The following FBN1 variants were observed in gnomAD, a reference collection of about 807,000 sequenced individuals.
FBN1 encodes the protein fibrillin 1.
FBN1 carries 29 observed loss-of-function variants against 365.1 expected under a neutral mutation model. The ratio of observed to expected loss-of-function variants is 0.08; its 90% CI spans 0.06 to 0.11. The LOEUF (loss-of-function observed/expected upper bound fraction) is 0.11. Among genes scored for constraint, FBN1 ranks in the 10% least tolerant of loss-of-function variants. The pLI is 1.00. For synonymous variants in FBN1, 1,210 were observed against 1,270.5 expected (o/e 0.95, Z 1.01); for missense variants, 2,476 against 3,703.2 (o/e 0.67, Z 8.60).
At chr15:48,602,611 G>A (rs2044576117) in intron 4 of FBN1, among the ~76,000 whole-genome samples, 1 of 152,060 alleles carries the variant, frequency 6.6e-6, no homozygotes, top group Non-Finnish European at 1.5e-5. Context: ...TTTTATCTTT[G>A]TTTCCCCATG....
intron 4 of FBN1, 23 bp downstream of exon 4, chr15:48,610,705 A>G (rs375946783): frequency 1.9e-6 from 3 of 1,539,590 alleles, no homozygotes; most frequent in Non-Finnish European, 2.7e-6. Context: ...ATAATATTAT[A>G]TATAATGACA....
intron 6 of FBN1, among the ~76,000 whole-genome samples, chr15:48,595,885 T>TTTC (rs1261602741): frequency 6.6e-6 from 1 of 152,234 alleles, no homozygotes; most frequent in Non-Finnish European, 1.5e-5. Context: ...GGTGTGCTTT[T>TTTC]CATACTGAAA....
chr15:48,438,321 T>C (rs2043088716), intron 50 of FBN1, among the ~76,000 whole-genome samples: 1 of 152,204 alleles, frequency 6.6e-6, no homozygotes, highest in Admixed American at 6.5e-5. Flanking sequence ...ATGAGCACAC[T>C]AGAGTAAGAG....
chr15:48,464,029 C>A lies in FBN1; in HGVS notation c.4943-8G>T. The stretch of plus-strand genomic sequence containing the variant: ...TCTCACATTCATTCACATCTATAAT[C>A]CAAAGAGAAAGTGGTATGTGAATAT... On this transcript the variant is annotated splice_region_variant and splice_polypyrimidine_tract_variant and intron_variant, in intron 40 of 65. Transcript: ENST00000316623. 6.2e-7 allele frequency: 1 copy of A among 1,613,710 alleles called. No individual in the cohort carries two copies. The highest frequency in any genetic ancestry group is 1.1e-5 in the South Asian group (1 of 91,064).
At chr15:48,455,032 C>T (rs192080901) in intron 44 of FBN1, among the ~76,000 whole-genome samples, 35 of 152,298 alleles carry the variant, frequency 2.3e-4, no homozygotes, top group East Asian at 9.7e-4. Flanking sequence ...AGAGCAGAGG[C>T]GTGGAAGCTC....
At chr15:48,421,484 G>A (rs1197299468) in intron 62 of FBN1, 74 bp downstream of exon 62, 12 of 1,562,010 alleles carry the variant, frequency 7.7e-6, no homozygotes, top group African/African-American at 1.4e-5. Context: ...GGCTGATGAT[G>A]AAGGTGCCAA....
chr15:48,604,993 C>T (rs985147450), intron 4 of FBN1, among the ~76,000 whole-genome samples: 1 of 152,084 alleles, frequency 6.6e-6, no homozygotes, highest in Non-Finnish European at 1.5e-5. Flanking sequence ...GTTTTGTCTG[C>T]GACTGGTCCT....
In FBN1 at chr15:48,465,616, G is replaced by A. The variant is rs544990350; in HGVS notation, c.4894C>T (p.Arg1632Cys). ...TTCAGGTAGTAGCCGGTTGGACAGC[G>A]GCACTGGAAACTCCCAAAGGTGTTG... is the stretch of plus-strand genomic sequence containing the variant. ...CINTFGSFQC[R>C]CPTGYYLNED... The change falls in exon 40 of 66, where the codon CGC becomes TGC. Residue 1632 changes from arginine (R) to cysteine (C), a missense_variant. By Grantham distance (180) the Arg-to-Cys change is radical. Coordinates refer to ENST00000316623, the MANE Select transcript of FBN1 (RefSeq NM_000138.5). 8 of 1,614,078 alleles carry A rather than the reference G, an allele frequency of 5.0e-6. No individual in the cohort carries two copies. Among genetic ancestry groups the A allele is most frequent in the East Asian group, 4.5e-5 (2 of 44,874 alleles).
rs555684089 is a variant in FBN1, at chr15:48,480,132, T to A, written c.3964+1523A>T. On this transcript the variant is annotated intron_variant, in intron 32 of 65. Coordinates refer to ENST00000316623, the MANE Select transcript of FBN1 (RefSeq NM_000138.5). Reference sequence around the variant, plus strand: ...TGCACATGACCCAGTTAGCTAGAATTTGGAGCATTGAATTCTAGAGACCTC... The same window carrying A: ...TGCACATGACCCAGTTAGCTAGAATATGGAGCATTGAATTCTAGAGACCTC... Among the ~76,000 whole-genome samples, 9 of 152,270 alleles carry A rather than the reference T, an allele frequency of 5.9e-5. 1 individual carries two copies. The highest frequency in any genetic ancestry group is 2.2e-4 in the African/African-American group (9 of 41,570).
intron 6 of FBN1, among the ~76,000 whole-genome samples, chr15:48,577,903 T>C (rs1274092158): frequency 6.6e-6 from 1 of 152,200 alleles, no homozygotes; most frequent in Non-Finnish European, 1.5e-5. Flanking sequence ...TGTCTTGTTG[T>C]AAAAGCAGTC....
intron 50 of FBN1, among the ~76,000 whole-genome samples, chr15:48,439,896 C>T (rs79232781): frequency 6.6e-6 from 1 of 152,308 alleles, no homozygotes; most frequent in East Asian, 1.9e-4. Context: ...GCTCTGTCCA[C>T]CTGAGTCCCA....
intron 6 of FBN1, among the ~76,000 whole-genome samples, chr15:48,546,107 T>C (rs1389907189): frequency 6.6e-6 from 1 of 152,238 alleles, no homozygotes; most frequent in Non-Finnish European, 1.5e-5. Context: ...ATTTTACAAC[T>C]GTAAAACAGA....
At chr15:48,537,435 T>A (rs2044021895) in intron 7 of FBN1, among the ~76,000 whole-genome samples, 176 bp downstream of exon 7, 1 of 152,144 alleles carries the variant, frequency 6.6e-6, no homozygotes, top group South Asian at 2.1e-4. Context: ...CAGTAAGACT[T>A]CAGCTGCTCT....
Position 48,488,191 on chromosome 15 carries a change from C to T in FBN1, c.3259G>A (p.Val1087Met), listed in dbSNP as rs2043525424. The change falls in exon 27 of 66, where the codon GTG becomes ATG. Residue 1087 changes from valine to methionine, a missense_variant. Val to Met is a conservative substitution (Grantham distance 21). Around this residue, in one of 5 missense-constraint regions of FBN1, gnomAD observed 1,780 missense variants for 2,840.8 expected, o/e 0.63. Coordinates refer to ENST00000316623, the MANE Select transcript of FBN1 (RefSeq NM_000138.5). ...CATTCAAAGTCCCCAGGGGTGTTCA[C>T]ACACTGGCCTCTGCCACAGAGGTCA... is the stretch of plus-strand genomic sequence containing the variant. ...SPDLCGRGQCVNTPGDFECKC... is the reference protein window; with the variant it reads ...SPDLCGRGQCMNTPGDFECKC... 1 of 1,614,112 alleles carries T rather than the reference C, an allele frequency of 6.2e-7. No homozygotes were observed. Among genetic ancestry groups the T allele is most frequent in the Admixed American group, 1.7e-5 (1 of 60,014 alleles).
intron 63 of FBN1, among the ~76,000 whole-genome samples, chr15:48,417,968 G>A (rs576139053): frequency 6.6e-6 from 1 of 152,306 alleles, no homozygotes; most frequent in South Asian, 2.1e-4. Flanking sequence ...TCTGCTTCTT[G>A]CTGGGACCCT....
intron 45 of FBN1, among the ~76,000 whole-genome samples, chr15:48,449,403 A>G (rs1272167454): frequency 6.6e-6 from 1 of 152,108 alleles, no homozygotes; most frequent in Non-Finnish European, 1.5e-5. Flanking sequence ...TATGCCTGTA[A>G]CTTTTTGTTC....
At chr15:48,414,000 C>G (rs568393886) in intron 64 of FBN1, among the ~76,000 whole-genome samples, 6 of 152,114 alleles carry the variant, frequency 3.9e-5, no homozygotes, top group Admixed American at 6.5e-5. Flanking sequence ...TGTGCGCATG[C>G]GTATACATTC....
intron 6 of FBN1, among the ~76,000 whole-genome samples, chr15:48,547,720 TTCAC>T (rs2044105638): frequency 1.5e-5 from 1 of 68,304 alleles, no homozygotes; most frequent in Non-Finnish European, 3.3e-5. Flanking sequence ...TCTTCTCTCT[TTCAC>T]ACACACACAC....
chr15:48,438,509 C>T (rs1206560472), intron 50 of FBN1, among the ~76,000 whole-genome samples: 1 of 152,088 alleles, frequency 6.6e-6, no homozygotes, highest in Admixed American at 6.6e-5. Flanking sequence ...CAGATACTCC[C>T]GGAGATGCTG....
Sources: allele counts gnomAD v4.1 joint callset (sites outside exome capture counted in the v4.1 genomes callset), GRCh38; gene constraint gnomAD v4.1.1; regional missense constraint gnomAD v4.1.1; transcripts MANE v1.5; gene names NCBI Gene and HGNC (gene_info 2026-07-23, HGNC 2026-07-21).